GDF5: variants seen among roughly 807,000 people sequenced by gnomAD.
GDF5 encodes the protein growth differentiation factor 5.
GDF5 carries 17 observed loss-of-function variants against 34.6 expected under a neutral mutation model. That is an observed-to-expected ratio of 0.49 (90% CI 0.34 to 0.74). The LOEUF (loss-of-function observed/expected upper bound fraction) is 0.74. GDF5 is among the 30% of genes least tolerant of loss of function. The pLI, the probability that GDF5 is intolerant of heterozygous loss-of-function variation, is 0.01. For synonymous variants in GDF5, 332 were observed against 290.7 expected (o/e 1.14, Z -1.44); for missense variants, 616 against 661.2 (o/e 0.93, Z 0.75).
At chr20:35,442,792 C>T (rs1019475636), upstream of GDF5, among the ~76,000 whole-genome samples, 8 of 151,934 alleles carry the variant, frequency 5.3e-5, no homozygotes, top group East Asian at 1.6e-3. Context: ...GTGATCTGCC[C>T]ACCTCGGCCT....
chr20:35,445,694 G>T (rs1178740074), intron 1 of GDF5, among the ~76,000 whole-genome samples: 1 of 151,278 alleles, frequency 6.6e-6, no homozygotes, highest in African/African-American at 2.4e-5. Flanking sequence ...AATAGGCTGG[G>T]CATGGTGGCT....
At position 35,437,292 on chromosome 20, in the gene GDF5, C is replaced by A. The variant is rs768697784; in HGVS notation, c.631+6G>T. On this transcript the variant is annotated splice_donor_region_variant and intron_variant, in intron 1 of 1. Coordinates refer to ENST00000374369, the MANE Select transcript of GDF5 (RefSeq NM_000557.5). The stretch of plus-strand genomic sequence containing the variant: ...GAGCCGTGCCCCTGCCACCCCGCCC[C>A]CTCACCTTGCCCTTTGTCAATAAAG... 1 of 1,604,630 alleles carries A rather than the reference C, an allele frequency of 6.2e-7. No homozygotes were observed. Among genetic ancestry groups the A allele is most frequent in the South Asian group, 1.1e-5 (1 of 90,830 alleles).
At chr20:35,447,571 GT>G (rs2062518018) in intron 1 of GDF5, among the ~76,000 whole-genome samples, 2 of 151,972 alleles carry the variant, frequency 1.3e-5, no homozygotes, top group South Asian at 4.1e-4. Flanking sequence ...ATAACCACAT[GT>G]TTTACATATT....
upstream of GDF5, among the ~76,000 whole-genome samples, chr20:35,438,885 CTG>C (rs147124287): frequency 2.5e-5 from 3 of 121,836 alleles, no homozygotes; most frequent in East Asian, 2.4e-4. Context: ...GTGTGTGTGC[CTG>C]TGTGTGTGTG....
rs1420939367 is a variant in GDF5, at chr20:35,437,698, C to T, written c.231G>A (p.Lys77=). The change falls in exon 1 of 2, where the codon AAG becomes AAA. Residue 77 remains lysine, a synonymous_variant. Coordinates refer to ENST00000374369, the MANE Select transcript of GDF5 (RefSeq NM_000557.5). ...GGCCTCCTGTCTGCCCGGTGCCTCCCTTTGCCCTGGCATTGGCATTGGTGG... is the reference window on the plus strand; with the variant it reads ...GGCCTCCTGTCTGCCCGGTGCCTCCTTTTGCCCTGGCATTGGCATTGGTGG... ...GGATNANARA[K]GGTGQTGGLT... The T allele has an allele frequency of 1.3e-5, 21 of 1,614,056 alleles. No individual in the cohort carries two copies. Among genetic ancestry groups the T allele is most frequent in the Non-Finnish European group, 1.7e-5 (20 of 1,179,978 alleles).
chr20:35,442,537 CT>C (rs57668486), upstream of GDF5, among the ~76,000 whole-genome samples: 33 of 118,920 alleles, frequency 2.8e-4, no homozygotes, highest in African/African-American at 6.5e-4. Context: ...TGATACCCGT[CT>C]TTTTTTTTTT....
At chr20:35,439,670 C>T (rs548774000), upstream of GDF5, among the ~76,000 whole-genome samples, 1 of 152,242 alleles carries the variant, frequency 6.6e-6, no homozygotes, top group African/African-American at 2.4e-5. Flanking sequence ...GGCAACTTAA[C>T]ACAGGGTCAG....
At position 35,434,912 on chromosome 20, in the gene GDF5, C is replaced by G. The variant is rs530999365; in HGVS notation, c.632-129G>C. 8.4e-5 allele frequency: 85 copies of G among 1,016,032 alleles called. No homozygotes were observed. In the East Asian group the frequency reaches 1.9e-3, roughly 23 times the overall value. The allele number at this position is 1,016,032 out of a possible 1,614,324, so 62.9% of individuals were successfully genotyped here. A position where few individuals can be genotyped will look rare whatever the true frequency, so the allele number is the denominator to read the frequency against. ...TTCTTTCACCTCTGCCCCATTCTGA[C>G]AGAAGCCAAGAGCCAAACCACTGAG... On this transcript the variant is annotated intron_variant, in intron 1 of 1. Transcript: ENST00000374369.
Position 35,437,611 on chromosome 20 carries a change from G to A in GDF5, c.318C>T (p.Pro106=). The change falls in exon 1 of 2, where the codon CCC becomes CCT. Residue 106 remains proline, a synonymous_variant. Coordinates refer to ENST00000374369, the MANE Select transcript of GDF5 (RefSeq NM_000557.5). ...TTGTTTGGGGAGGGTGTCCTGGCTT[G>A]GGTTCAGGGCCGCCCGGTCTGGGGG... The part of the protein sequence containing the change: ...KLPPRPGGPE[P]KPGHPPQTRQ... 1 of 1,614,124 alleles carries A rather than the reference G, an allele frequency of 6.2e-7. No individual in the cohort carries two copies. Among genetic ancestry groups the A allele is most frequent in the South Asian group, 1.1e-5 (1 of 91,076 alleles).
At chr20:35,446,357 A>G (rs916314174) in intron 1 of GDF5, among the ~76,000 whole-genome samples, 1 of 152,148 alleles carries the variant, frequency 6.6e-6, no homozygotes, top group Non-Finnish European at 1.5e-5. Flanking sequence ...GGTTATAAGA[A>G]TTAATGTGTT....
In GDF5 at chr20:35,434,189, A is replaced by C; in HGVS notation, c.1226T>G (p.Phe409Cys). 6.2e-7 allele frequency: 1 copy of C among 1,614,126 alleles called. No homozygotes were observed. The highest frequency in any genetic ancestry group is 2.2e-5 in the East Asian group (1 of 44,868). Residue 409 changes from phenylalanine to cysteine, a missense_variant, in exon 2 of 2, where the codon TTC (phenylalanine) becomes TGC (cysteine). Transcript: ENST00000374369. ...CCAGTCGTCCCAGCCCATGTCCTTG[A>C]AGTTGACATGCAGTGCCTTCCGACT... is the stretch of plus-strand genomic sequence containing the variant. ...RCSRKALHVNFKDMGWDDWII... is the reference protein window; with the variant it reads ...RCSRKALHVNCKDMGWDDWII...
chr20:35,442,537 C>CTTT (rs57668486), upstream of GDF5, among the ~76,000 whole-genome samples: 123 of 118,908 alleles, frequency 1.0e-3, 6 homozygotes, highest in African/African-American at 2.6e-3. Context: ...TGATACCCGT[C>CTTT]TTTTTTTTTT....
intron 1 of GDF5, among the ~76,000 whole-genome samples, chr20:35,444,292 T>C (rs1908823283): frequency 6.6e-6 from 1 of 151,978 alleles, no homozygotes; most frequent in African/African-American, 2.4e-5. Context: ...TTAAGCAGGG[T>C]CAAAGAGGTG....
chr20:35,448,379 G>A (rs147210546), intron 1 of GDF5, among the ~76,000 whole-genome samples: 23 of 143,040 alleles, frequency 1.6e-4, no homozygotes, highest in Non-Finnish European at 3.0e-4. Context: ...TCCTGGCTAC[G>A]GGACTTTTTG....
At position 35,437,427 on chromosome 20, in the gene GDF5, T is replaced by G. The variant is rs1213533288; in HGVS notation, c.502A>C (p.Thr168Pro). 2 of 1,613,232 alleles carry G rather than the reference T, an allele frequency of 1.2e-6. No individual in the cohort carries two copies. Among genetic ancestry groups the G allele is most frequent in the East Asian group, 2.2e-5 (1 of 44,846 alleles). Residue 168 changes from threonine (T) to proline (P), a missense_variant, in exon 1 of 2, where the codon ACA (threonine) becomes CCA (proline). By Grantham distance (38) the Thr-to-Pro change is conservative. Transcript: ENST00000374369. ...AGCGAGAGCATGTACTCGTGGGGTG[T>G]GATGGGGGGTGGGCGAAACGGCTCC... ...PKEPFRPPPI[T>P]PHEYMLSLYR...
intron 1 of GDF5, among the ~76,000 whole-genome samples, chr20:35,451,516 A>G (rs927904623): frequency 2.0e-5 from 3 of 150,724 alleles, no homozygotes; most frequent in African/African-American, 7.3e-5. Context: ...AGGTAGGAAC[A>G]CCTGTTTGTA....
At chr20:35,438,337 A>C, upstream of GDF5, 3 of 239,412 alleles carry the variant, frequency 1.3e-5, no homozygotes, top group Non-Finnish European at 2.4e-5. Context: ...CTAGTTTTGA[A>C]TCCTTTCCAG....
At position 35,450,709 on chromosome 20, in the gene GDF5, C is replaced by G. The variant is rs2062528366; in HGVS notation, c.-398+3931G>C. Among the ~76,000 whole-genome samples the G allele has an allele frequency of 2.0e-5, 3 of 152,010 alleles. No homozygotes were observed. The South Asian group carries it at 6.3e-4, about 32-fold the overall frequency. On this transcript the variant is annotated intron_variant, in intron 1 of 3. Transcript: ENST00000374372. Reference sequence around the variant, plus strand: ...TTGTCTAGCTTCTTGTTCCTGGGGTCCCTTTATACCTCCAGGAAGCCCTAC... The same window carrying G: ...TTGTCTAGCTTCTTGTTCCTGGGGTGCCTTTATACCTCCAGGAAGCCCTAC...
At chr20:35,443,242 C>T (rs895679981) in intron 1 of GDF5, among the ~76,000 whole-genome samples, 2 of 152,114 alleles carry the variant, frequency 1.3e-5, no homozygotes, top group Admixed American at 6.6e-5. Context: ...CAGATGCTGC[C>T]GCTGGCAGTG....
Sources: gnomAD v4.1 joint callset for allele counts (sites outside exome capture counted in the v4.1 genomes callset) on GRCh38, gnomAD v4.1.1 for gene constraint, MANE v1.5 for transcripts, NCBI Gene and HGNC (gene_info 2026-07-23, HGNC 2026-07-21) for gene names.